Variants in PINLYP observed in about 807,000 individuals in gnomAD.
PINLYP encodes phospholipase A2 inhibitor and Ly6/PLAUR domain-containing protein.
In PINLYP, 12 loss-of-function variants were observed where a neutral mutation model predicts 15.8. The observed-to-expected ratio is 0.76, with a 90% CI of 0.49 to 1.23. PINLYP has a LOEUF of 1.23. Ranked by LOEUF, PINLYP falls within the 50% of genes most tolerant of loss-of-function variation. PINLYP has a pLI of 0.00. For missense variants in PINLYP, 278 were observed against 264.2 expected (o/e 1.05, Z -0.36); for synonymous variants, 93 against 97.7 (o/e 0.95, Z 0.28).
intron 2 of PINLYP, among the ~76,000 whole-genome samples, chr19:43,578,353 G>A (rs1434527393): frequency 6.6e-6 from 1 of 152,152 alleles, no homozygotes; most frequent in Non-Finnish European, 1.5e-5. Context: ...ATGTAATTAG[G>A]CAAACAGGCT....
At position 43,580,803 on chromosome 19, in the gene PINLYP, AAG is replaced by A. The variant is rs945394254; in HGVS notation, c.188-405_188-404del. On this transcript the variant is annotated intron_variant, in intron 3 of 5. Transcript: ENST00000599207. ...GGCCGCATGGCTCTAGGGGGCTTGA[AAG>A]AGACCGCCCCGGCCGGGCTGGCGCA... 18 of 682,924 alleles carry A rather than the reference AAG, an allele frequency of 2.6e-5. No individual in the cohort carries two copies. In the African/African-American group the frequency reaches 3.5e-4, roughly 13 times the overall value. The allele number at this position is 682,924 out of a possible 1,614,324, so 42.3% of individuals were successfully genotyped here.
At chr19:43,578,772 C>T in intron 3 of PINLYP, 66 bp downstream of exon 3, 1 of 1,218,214 alleles carries the variant, frequency 8.2e-7, no homozygotes, top group South Asian at 1.3e-5. Context: ...AAGAGACTAC[C>T]ATGCTGAGGG....
intron 3 of PINLYP, chr19:43,579,123 AG>A: frequency 4.4e-6 from 1 of 227,792 alleles, no homozygotes; most frequent in Non-Finnish European, 8.9e-6. Context: ...AAGTGTAATC[AG>A]GGAAGAGGTC....
chr19:43,580,555 G>A (rs1004186581), intron 3 of PINLYP: 2 of 984,024 alleles, frequency 2.0e-6, no homozygotes, highest in Non-Finnish European at 2.4e-6. Flanking sequence ...TTTCACGAAG[G>A]CATGGGGGTG....
intron 1 of PINLYP, 21 bp downstream of exon 1, chr19:43,576,940 C>T (rs919267333): frequency 1.9e-6 from 1 of 535,530 alleles, no homozygotes; most frequent in Non-Finnish European, 3.2e-6. Context: ...AGGGTGGTGA[C>T]TTTCTGGGTT....
chr19:43,575,568 A>G, upstream of PINLYP: 3 of 1,240,176 alleles, frequency 2.4e-6, no homozygotes, highest in Non-Finnish European at 3.3e-6. Flanking sequence ...TAAAGTGCGC[A>G]AGCGCGCGAG....
chr19:43,577,172 G>T (rs774163924), exon 2 of PINLYP: 3 of 1,536,050 alleles, frequency 2.0e-6, no homozygotes, highest in Non-Finnish European at 2.6e-6. Flanking sequence ...TGGGGACCAG[G>T]TACTGCTGAT....
At chr19:43,579,152 G>A (rs747702696) in intron 3 of PINLYP, 15 of 194,056 alleles carry the variant, frequency 7.7e-5, no homozygotes, top group Non-Finnish European at 1.5e-4. Context: ...ACCGAGGGAG[G>A]AGAGATGATG....
chr19:43,578,015 C>T (rs1972886478), intron 2 of PINLYP, among the ~76,000 whole-genome samples: 1 of 152,166 alleles, frequency 6.6e-6, no homozygotes, highest in Non-Finnish European at 1.5e-5. Flanking sequence ...CTCCCCTGCA[C>T]ACAGGAGTCC....
At position 43,580,784 on chromosome 19, in the gene PINLYP, A is replaced by T. The variant is rs913128750; in HGVS notation, c.188-428A>T. ...CCATGCACCAGACAGATTTGGCCGC[A>T]TGGCTCTAGGGGGCTTGAAAGAGAC... is the stretch of plus-strand genomic sequence containing the variant. On this transcript the variant is annotated intron_variant, in intron 3 of 5. Coordinates refer to ENST00000599207, the Ensembl canonical transcript of PINLYP. The T allele has an allele frequency of 3.8e-6, 3 of 784,012 alleles. No individual in the cohort carries two copies. In the African/African-American group the frequency reaches 5.6e-5, roughly 15 times the overall value. The allele number at this position is 784,012 out of a possible 1,614,324, so 48.6% of individuals were successfully genotyped here. A position where few individuals can be genotyped will look rare whatever the true frequency, so the allele number is the denominator to read the frequency against.
chr19:43,581,638 G>A (rs184784442), exon 5 of PINLYP: 1 of 1,536,498 alleles, frequency 6.5e-7, no homozygotes, highest in Admixed American at 2.0e-5. Context: ...AAATGCATGG[G>A]GCCCATGACC....
chr19:43,576,822 G>C (rs1292348943), exon 1 of PINLYP: 3 of 249,506 alleles, frequency 1.2e-5, no homozygotes, highest in Non-Finnish European at 2.3e-5. Context: ...GAGAGAGAAG[G>C]AGAGGGAATC....
chr19:43,577,370 G>A (rs1410558920), intron 2 of PINLYP, 109 bp downstream of exon 2: 7 of 1,176,062 alleles, frequency 6.0e-6, no homozygotes, highest in Non-Finnish European at 6.8e-6. Flanking sequence ...AAGTCCTCAA[G>A]GTGAACGGGG....
At chr19:43,580,967 G>A in intron 3 of PINLYP, 1 of 446,880 alleles carries the variant, frequency 2.2e-6, no homozygotes, top group Non-Finnish European at 3.8e-6. Context: ...GCCGGGCATG[G>A]TGGCGGTCGC....
upstream of PINLYP, chr19:43,575,708 C>T (rs538646992): frequency 1.0e-5 from 4 of 393,856 alleles, no homozygotes; most frequent in South Asian, 2.2e-4. Flanking sequence ...CCGCCTCCCT[C>T]CGCCACACAC....
At position 43,581,202 on chromosome 19, in the gene PINLYP, C is replaced by A. The variant is rs1341735254; in HGVS notation, c.188-10C>A. On this transcript the variant is annotated splice_polypyrimidine_tract_variant and intron_variant, in intron 3 of 5. Coordinates refer to ENST00000599207, the Ensembl canonical transcript of PINLYP. ...AGCCAGCACTGTCCCTGCCTGTCCC[C>A]ATCCCACAGAGGGCAAGGAGTTGGT... 1 of 1,536,386 alleles carries A rather than the reference C, an allele frequency of 6.5e-7. No homozygotes were observed. The highest frequency in any genetic ancestry group is 8.7e-7 in the Non-Finnish European group (1 of 1,146,724).
chr19:43,576,953 A>G (rs1412435836), intron 1 of PINLYP, 34 bp downstream of exon 1: 2 of 576,228 alleles, frequency 3.5e-6, no homozygotes, highest in African/African-American at 3.8e-5. Flanking sequence ...TCTGGGTTCT[A>G]ATAGAAGAGG....
intron 3 of PINLYP, 132 bp from the exon 4 acceptor site, chr19:43,581,079 AG>A: frequency 9.4e-7 from 1 of 1,067,036 alleles, no homozygotes; most frequent in Non-Finnish European, 1.3e-6. Flanking sequence ...AAGAAAAGAA[AG>A]AAAAAAAAGA....
At chr19:43,577,751 A>G (rs1972884009) in intron 2 of PINLYP, among the ~76,000 whole-genome samples, 1 of 151,256 alleles carries the variant, frequency 6.6e-6, no homozygotes, top group Admixed American at 6.6e-5. Context: ...AAAAATACAA[A>G]AAAAGTTAGC....
Sources: allele counts gnomAD v4.1 joint callset (sites outside exome capture counted in the v4.1 genomes callset), GRCh38; gene constraint gnomAD v4.1.1; transcripts MANE v1.5; gene names NCBI Gene and HGNC (gene_info 2026-07-23, HGNC 2026-07-21).